Variants in TMEM266 observed in about 807,000 individuals in gnomAD.
The protein encoded by TMEM266 is Hv1 related protein 1.
A neutral mutation model predicts 50.5 loss-of-function variants in TMEM266; 33 were observed. That is an observed-to-expected ratio of 0.65 (90% CI 0.50 to 0.87). TMEM266 has a LOEUF of 0.87. Ranked by LOEUF, TMEM266 falls within the 40% of genes least tolerant of loss-of-function variation. The probability of loss-of-function intolerance (pLI) is 0.00; values close to 1 mark genes in which losing one functional copy is unlikely to be tolerated. For synonymous variants in TMEM266, 310 were observed against 292.3 expected, an observed-to-expected ratio of 1.06 and a Z score of -0.62; for missense variants, 655 against 695.1, an observed-to-expected ratio of 0.94 and a Z score of 0.65.
intron 1 of TMEM266, among the ~76,000 whole-genome samples, chr15:76,093,224 A>G (rs192867565): frequency 8.6e-5 from 13 of 151,762 alleles, no homozygotes; most frequent in Non-Finnish European, 1.8e-4. Context: ...TGCCATGTTA[A>G]TTTGCTGCAC....
In TMEM266 at chr15:76,166,364, C is replaced by T. The variant is rs192223505; in HGVS notation, c.457-3452C>T. Reference sequence around the variant, plus strand: ...GGAGGTGTTTCCCAAGCCCTCTCCACAGCGGCCTCTTGCTATTCTGTTTCC... The same window carrying T: ...GGAGGTGTTTCCCAAGCCCTCTCCATAGCGGCCTCTTGCTATTCTGTTTCC... On this transcript the variant is annotated intron_variant, in intron 5 of 10. Coordinates refer to ENST00000388942, the MANE Select transcript of TMEM266 (RefSeq NM_152335.3). 3.0e-3 allele frequency among the ~76,000 whole-genome samples: 463 copies of T among 152,322 alleles called. 2 individuals are homozygous for T. Among genetic ancestry groups the T allele is most frequent in the African/African-American group, 0.011 (441 of 41,572 alleles).
In TMEM266 at chr15:76,087,399, A is replaced by C. The variant is rs572439300; in HGVS notation, c.-97+27383A>C. On this transcript the variant is annotated intron_variant, in intron 1 of 10. Transcript: ENST00000388942. The stretch of plus-strand genomic sequence containing the variant: ...AAGAGTTAAGAAAATTTGGGGTTAT[A>C]CCCTTTGGTAGTATAGGTATATTTG... Among the ~76,000 whole-genome samples, 37 of 152,174 alleles carry C rather than the reference A, an allele frequency of 2.4e-4. 1 individual carries two copies. The East Asian group carries it at 6.8e-3, about 28-fold the overall frequency.
chr15:76,196,765 C>T (rs1347358116), intron 9 of TMEM266, among the ~76,000 whole-genome samples: 1 of 151,840 alleles, frequency 6.6e-6, no homozygotes, highest in Non-Finnish European at 1.5e-5. Flanking sequence ...GAGGAAGCAG[C>T]TCCACAATCT....
chr15:76,109,687 A>C (rs1190932315), intron 1 of TMEM266, among the ~76,000 whole-genome samples: 2 of 150,040 alleles, frequency 1.3e-5, no homozygotes, highest in African/African-American at 4.9e-5. Context: ...TGGCAATGAC[A>C]GGCTTTTCTT....
Position 76,125,169 on chromosome 15 carries a change from A to G in TMEM266, c.-96-8999A>G, listed in dbSNP as rs527439616. Among the ~76,000 whole-genome samples the G allele has an allele frequency of 1.2e-4, 19 of 152,308 alleles. No individual in the cohort carries two copies. In the South Asian group the frequency reaches 3.1e-3, roughly 25 times the overall value. ...GTAATCTGAACGCTTATCTTGCACC[A>G]TACATAAAAATCAAAACCCTAGAGG... is the stretch of plus-strand genomic sequence containing the variant. On this transcript the variant is annotated intron_variant, in intron 1 of 10. Transcript: ENST00000388942.
intron 1 of TMEM266, among the ~76,000 whole-genome samples, chr15:76,064,898 C>G (rs1261984103): frequency 6.6e-6 from 1 of 152,204 alleles, no homozygotes; most frequent in African/African-American, 2.4e-5. Context: ...GTTATTTTAT[C>G]TACAATTCCC....
At chr15:76,097,516 G>C (rs1346073808) in intron 1 of TMEM266, among the ~76,000 whole-genome samples, 1 of 151,918 alleles carries the variant, frequency 6.6e-6, no homozygotes, top group African/African-American at 2.4e-5. Flanking sequence ...GACCTTTCTG[G>C]CTGCCCTTAA....
intron 9 of TMEM266, among the ~76,000 whole-genome samples, chr15:76,199,110 G>A (rs765241643): frequency 1.3e-5 from 2 of 152,220 alleles, no homozygotes; most frequent in Non-Finnish European, 2.9e-5. Context: ...ACAGGGCCAG[G>A]GGTCCCTCAA....
At chr15:76,187,879 A>G (rs911790028) in intron 8 of TMEM266, among the ~76,000 whole-genome samples, 4 of 152,222 alleles carry the variant, frequency 2.6e-5, no homozygotes, top group African/African-American at 9.6e-5. Context: ...TCATGTATTC[A>G]GCAACGTTTA....
In TMEM266 at chr15:76,065,303, T is replaced by C. The variant is rs558131044; in HGVS notation, c.-97+5287T>C. 3.3e-5 allele frequency among the ~76,000 whole-genome samples: 5 copies of C among 152,278 alleles called. No individual in the cohort carries two copies. In the South Asian group the frequency reaches 1.0e-3, roughly 32 times the overall value. On this transcript the variant is annotated intron_variant, in intron 1 of 10. Coordinates refer to ENST00000388942, the MANE Select transcript of TMEM266 (RefSeq NM_152335.3). ...CCCTTCTTGATACCCTGCAAGGAGC[T>C]CCTGCCCCCACCCCTCTACTGAAAC...
At chr15:76,179,184 T>C (rs2038353039) in intron 8 of TMEM266, among the ~76,000 whole-genome samples, 1 of 152,232 alleles carries the variant, frequency 6.6e-6, no homozygotes, top group Non-Finnish European at 1.5e-5. Flanking sequence ...GGTGTGTCTC[T>C]CTTTAGAACA....
intron 8 of TMEM266, 91 bp downstream of exon 8, chr15:76,175,765 C>T (rs2038266535): frequency 9.6e-7 from 1 of 1,043,266 alleles, no homozygotes. Flanking sequence ...TGCAGGGGCA[C>T]CAGAGGTCAG....
chr15:76,125,979 A>T (rs2037417919), intron 1 of TMEM266, among the ~76,000 whole-genome samples: 2 of 152,120 alleles, frequency 1.3e-5, no homozygotes, highest in Admixed American at 1.3e-4. Flanking sequence ...TCATCAGGGG[A>T]ATGCAAATCC....
chr15:76,177,278 G>A (rs1157092618), intron 8 of TMEM266, among the ~76,000 whole-genome samples: 1 of 152,268 alleles, frequency 6.6e-6, no homozygotes, highest in Non-Finnish European at 1.5e-5. Flanking sequence ...TCCGCGCGTT[G>A]TAGGTCTTGG....
chr15:76,192,828 C>T (rs2038601550), intron 9 of TMEM266, among the ~76,000 whole-genome samples: 1 of 152,214 alleles, frequency 6.6e-6, no homozygotes, highest in Non-Finnish European at 1.5e-5. Flanking sequence ...CAAGTAGGAG[C>T]AGTACTGAGG....
At chr15:76,178,326 G>T (rs2038330289) in intron 8 of TMEM266, among the ~76,000 whole-genome samples, 1 of 152,136 alleles carries the variant, frequency 6.6e-6, no homozygotes, top group South Asian at 2.1e-4. Context: ...GGCAGAGGGG[G>T]CTGCAGGGAA....
At chr15:76,127,108 C>T (rs1427670348) in intron 1 of TMEM266, among the ~76,000 whole-genome samples, 1 of 152,070 alleles carries the variant, frequency 6.6e-6, no homozygotes, top group Non-Finnish European at 1.5e-5. Context: ...CCAGTATTCT[C>T]ATTACTACCA....
chr15:76,193,616 C>T (rs2038613970), intron 9 of TMEM266, among the ~76,000 whole-genome samples: 2 of 152,214 alleles, frequency 1.3e-5, no homozygotes, highest in Non-Finnish European at 2.9e-5. Context: ...AGAATCCCCT[C>T]TATAACTCTC....
chr15:76,097,523 T>G (rs1387814639), intron 1 of TMEM266, among the ~76,000 whole-genome samples: 1 of 152,088 alleles, frequency 6.6e-6, no homozygotes, highest in African/African-American at 2.4e-5. Flanking sequence ...CTGGCTGCCC[T>G]TAACATTTTT....
Sources: gnomAD v4.1 joint callset for allele counts (sites outside exome capture counted in the v4.1 genomes callset) on GRCh38, gnomAD v4.1.1 for gene constraint, MANE v1.5 for transcripts, NCBI Gene and HGNC (gene_info 2026-07-23, HGNC 2026-07-21) for gene names.